Variants in MBTD1 observed in about 807,000 individuals in gnomAD.
MBTD1 encodes the protein mbt domain containing 1, also known as MBT domain-containing protein 1.
MBTD1 carries 24 observed loss-of-function variants against 87.8 expected under a neutral mutation model. The observed-to-expected ratio is 0.27, with a 90% confidence interval of 0.20 to 0.38. MBTD1 has a LOEUF of 0.38. Among genes scored for constraint, MBTD1 ranks in the 10% least tolerant of loss-of-function variants. The pLI is 1.00. For synonymous variants in MBTD1, 237 were observed against 248.6 expected (o/e 0.95, Z 0.44); for missense variants, 436 against 760.2 (o/e 0.57, Z 5.02).
intron 12 of MBTD1, among the ~76,000 whole-genome samples, chr17:51,200,206 T>A (rs139020228): frequency 6.6e-6 from 1 of 152,288 alleles, no homozygotes; most frequent in South Asian, 2.1e-4. Flanking sequence ...TTTATGTAAG[T>A]AGACTTTCCT....
At chr17:51,230,774 T>G (rs2053505469) in intron 2 of MBTD1, among the ~76,000 whole-genome samples, 2 of 152,114 alleles carry the variant, frequency 1.3e-5, no homozygotes, top group South Asian at 4.1e-4. Flanking sequence ...TGAGGGCCCT[T>G]GTAGGCCAGG....
chr17:51,209,579 C>A (rs2052050597), intron 6 of MBTD1: 2 of 439,542 alleles, frequency 4.6e-6, no homozygotes, highest in South Asian at 3.3e-5. Flanking sequence ...AGATCATTCC[C>A]AGATGGTCCA....
chr17:51,229,635 C>T (rs1169664762), intron 2 of MBTD1, among the ~76,000 whole-genome samples: 2 of 151,306 alleles, frequency 1.3e-5, no homozygotes, highest in Non-Finnish European at 2.9e-5. Context: ...AATAATGTTG[C>T]CACAGCCCAG....
intron 2 of MBTD1, among the ~76,000 whole-genome samples, chr17:51,243,641 T>C (rs1022109096): frequency 6.6e-6 from 1 of 152,168 alleles, no homozygotes; most frequent in Non-Finnish European, 1.5e-5. Flanking sequence ...CAGGATCACA[T>C]AAAAATTAAA....
intron 2 of MBTD1, among the ~76,000 whole-genome samples, chr17:51,225,519 T>C (rs1470095320): frequency 1.4e-5 from 2 of 146,542 alleles, no homozygotes; most frequent in African/African-American, 5.4e-5. Flanking sequence ...CCCATAAACA[T>C]TTTTGTGTTT....
At chr17:51,231,994 T>C (rs2053576195) in intron 2 of MBTD1, among the ~76,000 whole-genome samples, 1 of 152,068 alleles carries the variant, frequency 6.6e-6, no homozygotes, top group South Asian at 2.1e-4. Context: ...ACTCCTACAT[T>C]AGACCAAAAC....
intron 2 of MBTD1, among the ~76,000 whole-genome samples, chr17:51,230,580 G>A (rs1453432081): frequency 6.6e-6 from 1 of 152,142 alleles, no homozygotes; most frequent in East Asian, 1.9e-4. Context: ...CAATCTCAGT[G>A]AGGTAAGACC....
At chr17:51,199,074 G>A (rs561753464) in intron 12 of MBTD1, among the ~76,000 whole-genome samples, 47 of 152,052 alleles carry the variant, frequency 3.1e-4, no homozygotes, top group African/African-American at 1.1e-3. Flanking sequence ...GGGATTACAG[G>A]CATGAGGCAC....
rs138215099 is a variant in MBTD1 at position 51,232,096 on chromosome 17, G to A, written c.-48-6887C>T. On this transcript the variant is annotated intron_variant, in intron 2 of 16. Coordinates refer to ENST00000586178, the MANE Select transcript of MBTD1 (RefSeq NM_017643.3). ...CTATGAGGGAGCATTTCAGGTCCACGCTCTCGGTGAAGAGGCTTCTCTGGG... is the reference window on the plus strand; with the variant it reads ...CTATGAGGGAGCATTTCAGGTCCACACTCTCGGTGAAGAGGCTTCTCTGGG... Among the ~76,000 whole-genome samples the A allele has an allele frequency of 1.2e-3, 177 of 152,096 alleles. 1 individual carries two copies. The highest frequency in any genetic ancestry group is 4.2e-3 in the African/African-American group (174 of 41,486).
At chr17:51,260,746 GAGCGCGGCGGCCGCTGCGATTGCA>G (rs1568259685), upstream of MBTD1, 28 of 1,584,170 alleles carry the variant, frequency 1.8e-5, no homozygotes, top group Non-Finnish European at 2.4e-5. Context: ...CGGCCCGGCC[GAGCGCGGCGGCCGCTGCGATTGCA>G]GTCGCGGCGG....
intron 4 of MBTD1, 58 bp downstream of exon 4, chr17:51,220,272 T>C (rs2052810834): frequency 2.0e-6 from 3 of 1,482,510 alleles, no homozygotes; most frequent in Non-Finnish European, 2.7e-6. Context: ...AAATGACAGA[T>C]AAATGGCAAA....
At chr17:51,218,451 C>A (rs1471277413) in intron 5 of MBTD1, among the ~76,000 whole-genome samples, 2 of 150,048 alleles carry the variant, frequency 1.3e-5, no homozygotes, top group Non-Finnish European at 2.9e-5. Context: ...ATTGTTCGAA[C>A]CCATGAGGCA....
intron 2 of MBTD1, among the ~76,000 whole-genome samples, chr17:51,241,003 G>C (rs935583178): frequency 2.0e-5 from 3 of 151,766 alleles, no homozygotes; most frequent in African/African-American, 4.8e-5. Flanking sequence ...TTTGAGACAG[G>C]GTCTCCCAGG....
At chr17:51,206,569 T>C (rs2143241782) in intron 7 of MBTD1, among the ~76,000 whole-genome samples, 1 of 152,358 alleles carries the variant, frequency 6.6e-6, no homozygotes, top group East Asian at 1.9e-4. Context: ...TATTTCATGA[T>C]ACATAACTAT....
Position 51,180,524 on chromosome 17 carries a change from A to C in MBTD1, c.*52T>G. ...CCCCTGTACAGCTGGATTGATTATA[A>C]ATCAGTCCTGTGTAAAATCCTTCCC... On this transcript the variant is annotated 3_prime_UTR_variant, in exon 17 of 17. Coordinates refer to ENST00000586178, the MANE Select transcript of MBTD1 (RefSeq NM_017643.3). The C allele has an allele frequency of 1.1e-6, 1 of 890,080 alleles. No homozygotes were observed. The allele number at this position is 890,080 out of a possible 1,614,324, so 55.1% of individuals were successfully genotyped here.
At chr17:51,218,169 A>G (rs912941145) in intron 5 of MBTD1, among the ~76,000 whole-genome samples, 3 of 151,676 alleles carry the variant, frequency 2.0e-5, no homozygotes, top group Non-Finnish European at 4.4e-5. Flanking sequence ...CCTTCTCACT[A>G]TTTACTCTCT....
Position 51,180,696 on chromosome 17 carries a change from T to C in MBTD1, c.1769-2A>G, listed in dbSNP as rs2050266262. The C allele has an allele frequency of 6.7e-7, 1 of 1,487,274 alleles. No homozygotes were observed. Among genetic ancestry groups the C allele is most frequent in the Non-Finnish European group, 9.2e-7 (1 of 1,088,376 alleles). 92.1% of individuals were successfully genotyped at this position (1,487,274 alleles called of 1,614,324 possible). A position where few individuals can be genotyped will look rare whatever the true frequency, so the allele number is the denominator to read the frequency against. The stretch of plus-strand genomic sequence containing the variant: ...CCTCCTTCAGCTGCAGTGTTGTCAC[T>C]GAATGAAAGAGAGAGAAACATATGG... On this transcript the variant is annotated splice_acceptor_variant, in intron 16 of 16. Coordinates refer to ENST00000586178, the MANE Select transcript of MBTD1 (RefSeq NM_017643.3). LOFTEE classifies it high-confidence loss of function.
At position 51,259,908 on chromosome 17, in the gene MBTD1, T is replaced by C. The variant is rs957913139; in HGVS notation, c.-186A>G. ...TGCTCCCCGAGCCCGCGGCGCCCCC[T>C]CCCCGGGCTGGGGGCAGGTGCCTCT... On this transcript the variant is annotated 5_prime_UTR_variant, in exon 1 of 17. Transcript: ENST00000586178. The C allele has an allele frequency of 1.6e-6, 2 of 1,227,762 alleles. No individual in the cohort carries two copies. Among genetic ancestry groups the C allele is most frequent in the Non-Finnish European group, 2.0e-6 (2 of 984,424 alleles). The allele number at this position is 1,227,762 out of a possible 1,614,324, so 76.1% of individuals were successfully genotyped here.
chr17:51,239,653 T>C (rs1481350589), intron 2 of MBTD1, among the ~76,000 whole-genome samples: 3 of 152,278 alleles, frequency 2.0e-5, no homozygotes, highest in East Asian at 1.9e-4. Flanking sequence ...GCCTGTGCAT[T>C]ATAAGATGTC....
Sources: allele counts gnomAD v4.1 joint callset (sites outside exome capture counted in the v4.1 genomes callset), GRCh38; gene constraint gnomAD v4.1.1; transcripts MANE v1.5; gene names NCBI Gene and HGNC (gene_info 2026-07-23, HGNC 2026-07-21).